SAMMSON: variants seen among roughly 807,000 people sequenced by gnomAD.
The protein encoded by SAMMSON is survival associated mitochondrial melanoma specific oncogenic non-coding RNA.
chr3:70,226,148 G>A (rs538858888), intron 4 of SAMMSON, among the ~76,000 whole-genome samples: 2 of 152,134 alleles, frequency 1.3e-5, no homozygotes, highest in Non-Finnish European at 2.9e-5. Context: ...TTTGAAGGAG[G>A]ACAGTAATCA....
At chr3:70,108,219 G>A (rs1319636449) in intron 4 of SAMMSON, among the ~76,000 whole-genome samples, 1 of 151,914 alleles carries the variant, frequency 6.6e-6, no homozygotes, top group African/African-American at 2.4e-5. Flanking sequence ...TAATGTGAAG[G>A]CCAGCTGCTC....
intron 4 of SAMMSON, among the ~76,000 whole-genome samples, chr3:70,246,526 G>A (rs750117241): frequency 6.6e-6 from 1 of 151,970 alleles, no homozygotes; most frequent in Admixed American, 6.6e-5. Context: ...ACAGAAACAC[G>A]AGATGCACAA....
intron 4 of SAMMSON, among the ~76,000 whole-genome samples, chr3:70,182,640 G>A (rs1450893876): frequency 6.6e-6 from 1 of 152,034 alleles, no homozygotes; most frequent in African/African-American, 2.4e-5. Flanking sequence ...TTACAGCGAG[G>A]CCCCCAAATG....
chr3:70,327,818 C>T (rs1456146769), intron 7 of SAMMSON, among the ~76,000 whole-genome samples: 1 of 152,042 alleles, frequency 6.6e-6, no homozygotes, highest in East Asian at 1.9e-4. Context: ...CAAAATTTTC[C>T]AAATAACACT....
At chr3:70,148,145 A>C (rs2067556620) in intron 4 of SAMMSON, among the ~76,000 whole-genome samples, 1 of 152,130 alleles carries the variant, frequency 6.6e-6, no homozygotes, top group African/African-American at 2.4e-5. Context: ...AGCACTGGTG[A>C]GAATGTGGAG....
intron 2 of SAMMSON, among the ~76,000 whole-genome samples, chr3:70,426,340 A>G (rs768264825): frequency 7.2e-5 from 11 of 152,226 alleles, no homozygotes; most frequent in Non-Finnish European, 1.5e-4. Flanking sequence ...AAACAATAGT[A>G]TATTGCAAAC....
At chr3:70,288,210 C>T (rs1702188785) in intron 6 of SAMMSON, among the ~76,000 whole-genome samples, 1 of 135,676 alleles carries the variant, frequency 7.4e-6, no homozygotes, top group Non-Finnish European at 1.6e-5. Flanking sequence ...CTATAAATTT[C>T]CCTCTACACA....
At chr3:70,077,462 A>G (rs1392979331) in intron 4 of SAMMSON, among the ~76,000 whole-genome samples, 3 of 152,174 alleles carry the variant, frequency 2.0e-5, no homozygotes, top group Admixed American at 2.0e-4. Flanking sequence ...TTCCTTGGGA[A>G]TAAAGAGGAG....
chr3:70,202,034 A>C (rs7428830), intron 4 of SAMMSON, among the ~76,000 whole-genome samples: 1 of 152,168 alleles, frequency 6.6e-6, no homozygotes, highest in Non-Finnish European at 1.5e-5. Flanking sequence ...CTGGCTAACC[A>C]CAGTGACTGT....
At chr3:70,042,964 T>A (rs1345332681) in intron 3 of SAMMSON, among the ~76,000 whole-genome samples, 1 of 152,106 alleles carries the variant, frequency 6.6e-6, no homozygotes, top group Admixed American at 6.6e-5. Flanking sequence ...CTCAATAGAA[T>A]AGCATTTAGG....
chr3:70,064,404 C>T (rs1184967961), intron 3 of SAMMSON, among the ~76,000 whole-genome samples: 1 of 152,150 alleles, frequency 6.6e-6, no homozygotes, highest in Non-Finnish European at 1.5e-5. Flanking sequence ...GGATCCTTCT[C>T]TCTCAAAGTC....
At chr3:70,261,857 A>G (rs2106662136) in intron 6 of SAMMSON, among the ~76,000 whole-genome samples, 1 of 152,266 alleles carries the variant, frequency 6.6e-6, no homozygotes. Context: ...GAACCCTTTT[A>G]GAAACAAGGG....
chr3:70,086,239 G>T (rs1261548146), intron 4 of SAMMSON, among the ~76,000 whole-genome samples: 1 of 152,122 alleles, frequency 6.6e-6, no homozygotes, highest in Non-Finnish European at 1.5e-5. Flanking sequence ...CACATCACCA[G>T]GGAGTTATAC....
chr3:70,228,405 A>G (rs955143257), intron 4 of SAMMSON, among the ~76,000 whole-genome samples: 2 of 152,052 alleles, frequency 1.3e-5, no homozygotes, highest in Non-Finnish European at 1.5e-5. Context: ...TTGTTGTCTT[A>G]TGACTGACGT....
chr3:70,185,454 G>A (rs570616994), intron 4 of SAMMSON, among the ~76,000 whole-genome samples: 1 of 152,248 alleles, frequency 6.6e-6, no homozygotes, highest in South Asian at 2.1e-4. Flanking sequence ...GCTCTCCCAT[G>A]ATTGAAGTTT....
At chr3:70,377,463 C>T (rs1703027379) in intron 9 of SAMMSON, among the ~76,000 whole-genome samples, 1 of 151,954 alleles carries the variant, frequency 6.6e-6, no homozygotes, top group Non-Finnish European at 1.5e-5. Context: ...ATTTTGGACA[C>T]CCCACTCCAC....
chr3:70,104,054 G>A (rs2067356204), intron 4 of SAMMSON, among the ~76,000 whole-genome samples: 2 of 148,274 alleles, frequency 1.3e-5, no homozygotes, highest in African/African-American at 5.0e-5. Context: ...AATGACCTAA[G>A]CTTCTGTGGT....
chr3:70,289,370 G>A (rs1393758602), intron 6 of SAMMSON, among the ~76,000 whole-genome samples: 2 of 150,522 alleles, frequency 1.3e-5, no homozygotes, highest in African/African-American at 4.9e-5. Flanking sequence ...TTTTCTTTAA[G>A]AATGTTGAAT....
intron 4 of SAMMSON, among the ~76,000 whole-genome samples, chr3:70,169,214 C>A (rs1382076864): frequency 6.6e-6 from 1 of 151,962 alleles, no homozygotes; most frequent in African/African-American, 2.4e-5. Flanking sequence ...TCTTTCAAAG[C>A]AAAAGTGCTT....
Sources: allele counts gnomAD v4.1 joint callset (sites outside exome capture counted in the v4.1 genomes callset), GRCh38; gene constraint gnomAD v4.1.1; transcripts MANE v1.5; gene names NCBI Gene and HGNC (gene_info 2026-07-23, HGNC 2026-07-21).